PPP1R1C: variants seen among roughly 807,000 people sequenced by gnomAD.
PPP1R1C encodes protein phosphatase 1 regulatory subunit 1C.
A neutral mutation model predicts 17.4 loss-of-function variants in PPP1R1C; 15 were observed. The ratio of observed to expected loss-of-function variants is 0.86; its 90% CI spans 0.58 to 1.33. The LOEUF (loss-of-function observed/expected upper bound fraction) is 1.33, where lower values mean the gene tolerates loss of function less well. Ranked by LOEUF, PPP1R1C falls within the 40% of genes most tolerant of loss-of-function variation. The probability of loss-of-function intolerance (pLI) is 0.00; values close to 1 mark genes in which losing one functional copy is unlikely to be tolerated. For missense variants in PPP1R1C, 143 were observed against 130.0 expected (o/e 1.10, Z -0.48); for synonymous variants, 35 against 43.1 (o/e 0.81, Z 0.73).
At chr2:182,074,203 G>A (rs540916562) in intron 4 of PPP1R1C, among the ~76,000 whole-genome samples, 4 of 151,900 alleles carry the variant, frequency 2.6e-5, no homozygotes, top group South Asian at 2.1e-4. Context: ...CATCACGCCC[G>A]GCTAATTTTT....
At chr2:182,086,734 A>G (rs917326268) in intron 4 of PPP1R1C, among the ~76,000 whole-genome samples, 2 of 152,324 alleles carry the variant, frequency 1.3e-5, no homozygotes, top group East Asian at 3.9e-4. Context: ...GGCTCTATAT[A>G]TGTACACTAT....
At chr2:182,080,121 A>G (rs1688431094) in intron 4 of PPP1R1C, among the ~76,000 whole-genome samples, 1 of 152,204 alleles carries the variant, frequency 6.6e-6, no homozygotes, top group South Asian at 2.1e-4. Context: ...CACTAGAACA[A>G]TGCCTGTTGC....
At chr2:182,007,527 A>T (rs1036636898) in intron 2 of PPP1R1C, among the ~76,000 whole-genome samples, 3 of 152,204 alleles carry the variant, frequency 2.0e-5, no homozygotes, top group Admixed American at 2.0e-4. Flanking sequence ...TTTTGAGAAT[A>T]ACGCCACATT....
At chr2:182,080,334 A>G (rs1479647632) in intron 4 of PPP1R1C, among the ~76,000 whole-genome samples, 2 of 152,178 alleles carry the variant, frequency 1.3e-5, no homozygotes, top group African/African-American at 4.8e-5. Flanking sequence ...ATTCCTGTAA[A>G]TGGTATCACT....
At chr2:182,114,309 C>A (rs374116296) in intron 4 of PPP1R1C, among the ~76,000 whole-genome samples, 3 of 152,136 alleles carry the variant, frequency 2.0e-5, no homozygotes, top group Non-Finnish European at 4.4e-5. Flanking sequence ...TGGCAGAGGA[C>A]GAAGCTCTGA....
At chr2:182,064,124 C>A (rs944265802) in intron 4 of PPP1R1C, 4 of 279,666 alleles carry the variant, frequency 1.4e-5, no homozygotes, top group Non-Finnish European at 2.7e-5. Context: ...CCAGTGTTGG[C>A]AGATGATTAC....
At chr2:182,074,359 AGTT>A (rs1323287389) in intron 4 of PPP1R1C, among the ~76,000 whole-genome samples, 1 of 152,014 alleles carries the variant, frequency 6.6e-6, no homozygotes, top group Admixed American at 6.6e-5. Flanking sequence ...TTCTATGATA[AGTT>A]GTATTTGCCT....
At chr2:182,037,254 A>C (rs1317372992) in intron 2 of PPP1R1C, among the ~76,000 whole-genome samples, 1 of 152,216 alleles carries the variant, frequency 6.6e-6, no homozygotes, top group Admixed American at 6.5e-5. Flanking sequence ...AGTGAGGATG[A>C]AATGTAAATA....
chr2:181,980,579 A>C (rs569695473), intron 2 of PPP1R1C, among the ~76,000 whole-genome samples: 4 of 152,284 alleles, frequency 2.6e-5, no homozygotes, highest in African/African-American at 9.6e-5. Context: ...CGGCTCTACA[A>C]ATCTCTGTAG....
chr2:182,106,624 T>C (rs1229221102), intron 4 of PPP1R1C, among the ~76,000 whole-genome samples: 1 of 152,206 alleles, frequency 6.6e-6, no homozygotes, highest in Non-Finnish European at 1.5e-5. Flanking sequence ...ATCCAATTTT[T>C]TTCTTTTTTG....
At chr2:181,977,589 A>G (rs1021353484) in intron 2 of PPP1R1C, among the ~76,000 whole-genome samples, 1 of 152,182 alleles carries the variant, frequency 6.6e-6, no homozygotes, top group Non-Finnish European at 1.5e-5. Flanking sequence ...TATAAAATAG[A>G]AAACTGTAAG....
chr2:182,023,677 G>C (rs1366067162), intron 2 of PPP1R1C: 1 of 152,024 alleles, frequency 6.6e-6, no homozygotes, highest in Non-Finnish European at 1.5e-5. Context: ...CTGGAGTACA[G>C]TGGCACAACC....
intron 4 of PPP1R1C, among the ~76,000 whole-genome samples, chr2:182,075,219 T>C (rs1450900230): frequency 6.6e-6 from 1 of 152,252 alleles, no homozygotes; most frequent in Non-Finnish European, 1.5e-5. Flanking sequence ...TTTGTCACAT[T>C]TTATTTTCAA....
intron 2 of PPP1R1C, among the ~76,000 whole-genome samples, chr2:182,048,231 T>G (rs1687400726): frequency 6.6e-6 from 1 of 152,198 alleles, no homozygotes; most frequent in Non-Finnish European, 1.5e-5. Context: ...GGTTTCAGTT[T>G]GGGCCCCAGT....
downstream of PPP1R1C, among the ~76,000 whole-genome samples, chr2:182,118,715 T>G (rs1275784297): frequency 6.6e-6 from 1 of 152,196 alleles, no homozygotes; most frequent in South Asian, 2.1e-4. Flanking sequence ...AGAAAATAAG[T>G]GTGAAACCCG....
chr2:182,027,852 TG>T (rs1277346188), intron 2 of PPP1R1C, among the ~76,000 whole-genome samples: 2 of 139,084 alleles, frequency 1.4e-5, no homozygotes, highest in African/African-American at 5.3e-5. Flanking sequence ...GGACTCTTTT[TG>T]GTTGGTAAAC....
At chr2:182,060,433 G>T (rs1420316980) in intron 2 of PPP1R1C, among the ~76,000 whole-genome samples, 1 of 151,974 alleles carries the variant, frequency 6.6e-6, no homozygotes, top group Non-Finnish European at 1.5e-5. Flanking sequence ...ATACATGCTT[G>T]TTATAAAAAG....
At chr2:181,960,339 G>T (rs1290287035) in intron 1 of PPP1R1C, among the ~76,000 whole-genome samples, 1 of 152,192 alleles carries the variant, frequency 6.6e-6, no homozygotes, top group African/African-American at 2.4e-5. Flanking sequence ...ATTTTAGGAT[G>T]AGCACAAACC....
intron 1 of PPP1R1C, among the ~76,000 whole-genome samples, chr2:181,987,354 A>C (rs962379343): frequency 3.3e-5 from 5 of 152,110 alleles, no homozygotes; most frequent in African/African-American, 1.2e-4. Context: ...TAAATATTAT[A>C]CTAGAAAATA....
Sources: gnomAD v4.1 joint callset for allele counts (sites outside exome capture counted in the v4.1 genomes callset) on GRCh38, gnomAD v4.1.1 for gene constraint, MANE v1.5 for transcripts, NCBI Gene and HGNC (gene_info 2026-07-23, HGNC 2026-07-21) for gene names.